Variants in EML1 observed in about 807,000 individuals in gnomAD.
EML1 encodes EMAP like 1.
In EML1, 27 loss-of-function variants were observed where a neutral mutation model predicts 110.4. The ratio of observed to expected loss-of-function variants is 0.24; its 90% CI spans 0.18 to 0.34. EML1 has a LOEUF of 0.34. EML1 is among the 10% of genes least tolerant of loss of function. The pLI is 1.00. For missense variants in EML1, 741 were observed against 1,030.9 expected (o/e 0.72, Z 3.85); for synonymous variants, 344 against 385.8 (o/e 0.89, Z 1.27).
chr14:99,908,484 G>A (rs561855112), intron 10 of EML1, among the ~76,000 whole-genome samples: 2 of 152,332 alleles, frequency 1.3e-5, no homozygotes, highest in Admixed American at 6.5e-5. Context: ...AACCAGGTCT[G>A]TTCCCTGACA....
intron 1 of EML1, among the ~76,000 whole-genome samples, chr14:99,786,034 G>A (rs1365218963): frequency 7.1e-6 from 1 of 140,284 alleles, no homozygotes; most frequent in Non-Finnish European, 1.5e-5. Context: ...GTTCAACATG[G>A]AGCCTACAGT....
chr14:99,825,540 C>T (rs1024834735), intron 1 of EML1, among the ~76,000 whole-genome samples: 1 of 152,182 alleles, frequency 6.6e-6, no homozygotes, highest in Non-Finnish European at 1.5e-5. Context: ...GCCCTTTCTA[C>T]CACATCTCCT....
chr14:99,865,408 C>T, intron 2 of EML1, 106 bp from the exon 3 acceptor site: 1 of 1,433,440 alleles, frequency 7.0e-7, no homozygotes, highest in Non-Finnish European at 9.6e-7. Context: ...TCACCTCCTC[C>T]TGCTGTGTGG....
intron 17 of EML1, among the ~76,000 whole-genome samples, chr14:99,927,622 C>T (rs961216449): frequency 1.3e-5 from 2 of 151,988 alleles, no homozygotes; most frequent in African/African-American, 4.8e-5. Context: ...AACTTTCCTT[C>T]ATCTACAATT....
At chr14:99,852,230 C>T (rs1326963045) in intron 2 of EML1, among the ~76,000 whole-genome samples, 1 of 152,224 alleles carries the variant, frequency 6.6e-6, no homozygotes, top group Non-Finnish European at 1.5e-5. Context: ...TTCCTCGTGA[C>T]TAACTGTAGA....
intron 1 of EML1, among the ~76,000 whole-genome samples, chr14:99,764,639 C>T (rs182104332): frequency 2.6e-5 from 4 of 152,280 alleles, no homozygotes; most frequent in Admixed American, 6.5e-5. Flanking sequence ...CTGGAAGTGC[C>T]GCTGCAAGGA....
chr14:99,919,862 A>G (rs924773122), intron 16 of EML1, among the ~76,000 whole-genome samples: 2 of 152,216 alleles, frequency 1.3e-5, no homozygotes, highest in Non-Finnish European at 2.9e-5. Context: ...GACATCTGAC[A>G]GTGCCTGGCT....
At chr14:99,780,549 C>T (rs1206355578) in intron 1 of EML1, among the ~76,000 whole-genome samples, 5 of 152,138 alleles carry the variant, frequency 3.3e-5, no homozygotes. Flanking sequence ...AAACTCAATA[C>T]TTTCCCTGGA....
At chr14:99,779,809 T>C (rs1486841735) in intron 1 of EML1, among the ~76,000 whole-genome samples, 1 of 152,246 alleles carries the variant, frequency 6.6e-6, no homozygotes, top group African/African-American at 2.4e-5. Context: ...CCCTCTGGTA[T>C]GCCTTTGTGT....
chr14:99,925,275 CTT>C (rs972066503), intron 17 of EML1, among the ~76,000 whole-genome samples: 43 of 135,958 alleles, frequency 3.2e-4, no homozygotes, highest in Admixed American at 3.7e-4. Context: ...TTTCTTTTTT[CTT>C]TTTTTTTTTT....
intron 3 of EML1, among the ~76,000 whole-genome samples, chr14:99,874,297 T>C (rs1474956749): frequency 6.6e-6 from 1 of 152,222 alleles, no homozygotes; most frequent in Non-Finnish European, 1.5e-5. Flanking sequence ...GTTGCAGGTT[T>C]GGGTGTGCGG....
chr14:99,797,236 A>T (rs753055829), intron 1 of EML1, among the ~76,000 whole-genome samples: 6 of 152,184 alleles, frequency 3.9e-5, no homozygotes, highest in Non-Finnish European at 8.8e-5. Context: ...TTCACTTAGC[A>T]TATGTTTTAA....
intron 16 of EML1, 81 bp downstream of exon 16, chr14:99,917,930 C>G: frequency 7.2e-7 from 1 of 1,396,456 alleles, no homozygotes; most frequent in Non-Finnish European, 1.0e-6. Flanking sequence ...AGGAACAGGC[C>G]CCCGTTCAGC....
At chr14:99,850,330 T>A in intron 1 of EML1, 1 of 1,289,076 alleles carries the variant, frequency 7.8e-7, no homozygotes. Context: ...ATTATGATTC[T>A]GAGTAAGAAA....
In EML1 at chr14:99,917,843, C is replaced by A. The variant is rs769606640; in HGVS notation, c.1814C>A (p.Thr605Asn). ...SGSVVAVGTL[T>N]GRWFVFDTET... Reference sequence around the variant, plus strand: ...TCTGTGGTTGCAGTCGGAACACTCACTGGGAGGTAAGTCCATGCCAACAGC... The same window carrying A: ...TCTGTGGTTGCAGTCGGAACACTCAATGGGAGGTAAGTCCATGCCAACAGC... Residue 605 changes from threonine to asparagine, a missense_variant, in exon 16 of 22, where the codon ACT becomes AAT. Thr to Asn is a moderately conservative substitution (Grantham distance 65, BLOSUM62 0). Coordinates refer to ENST00000262233, the MANE Select transcript of EML1 (RefSeq NM_004434.3). 1.2e-6 allele frequency: 2 copies of A among 1,614,192 alleles called. No individual in the cohort carries two copies. Among genetic ancestry groups the A allele is most frequent in the Admixed American group, 1.7e-5 (1 of 60,026 alleles).
chr14:99,811,640 CAA>C lies in EML1; in HGVS notation c.67+18117_67+18118del, dbSNP rs71113224. On this transcript the variant is annotated intron_variant, in intron 1 of 21. Transcript: ENST00000262233. ...CAACACGATAAAACCCTGTCTCTAC[CAA>C]AAAAAAAAAAAAAAAAAAATTAGCC... is the stretch of plus-strand genomic sequence containing the variant. Among the ~76,000 whole-genome samples the C allele has an allele frequency of 4.6e-3, 557 of 119,988 alleles. 2 individuals are homozygous for C. The highest frequency in any genetic ancestry group is 0.034 in the Middle Eastern group (7 of 206). 78.7% of individuals were successfully genotyped at this position (119,988 alleles called of 152,430 possible).
At chr14:99,831,406 T>G (rs913377870) in intron 1 of EML1, among the ~76,000 whole-genome samples, 3 of 152,128 alleles carry the variant, frequency 2.0e-5, no homozygotes, top group Non-Finnish European at 4.4e-5. Flanking sequence ...TGGGTAGAGG[T>G]TCCCCCCATC....
At chr14:99,920,427 C>G (rs906630280) in intron 16 of EML1, among the ~76,000 whole-genome samples, 1 of 152,318 alleles carries the variant, frequency 6.6e-6, no homozygotes, top group East Asian at 1.9e-4. Flanking sequence ...TGGGTGAGCT[C>G]TTGCAGGTGG....
At position 99,850,958 on chromosome 14, in the gene EML1, C is replaced by G. The variant is rs777004379; in HGVS notation, c.173C>G (p.Ala58Gly). 19 of 1,614,096 alleles carry G rather than the reference C, an allele frequency of 1.2e-5. No homozygotes were observed. Among genetic ancestry groups the G allele is most frequent in the Non-Finnish European group, 1.5e-5 (18 of 1,180,056 alleles). ...QEDDIQLLKS[A>G]LADVVRRLNI... ...GACGACATCCAGCTGCTCAAATCAG[C>G]TCTAGCTGATGTGGTTCGGCGGCTG... Residue 58 changes from alanine to glycine, a missense_variant, in exon 2 of 22, where the codon GCT becomes GGT. Around this residue, in one of 4 missense-constraint regions of EML1, gnomAD observed 226 missense variants for 255.6 expected, o/e 0.88. Transcript: ENST00000262233.
Sources: gnomAD v4.1 joint callset for allele counts (sites outside exome capture counted in the v4.1 genomes callset) on GRCh38, gnomAD v4.1.1 for gene constraint, gnomAD v4.1.1 regional missense constraint, MANE v1.5 for transcripts, NCBI Gene and HGNC (gene_info 2026-07-23, HGNC 2026-07-21) for gene names.